RGS3: variants seen among roughly 807,000 people sequenced by gnomAD.
RGS3 encodes regulator of G protein signaling 3, also known as regulator of G-protein signalling 3.
A neutral mutation model predicts 132.6 loss-of-function variants in RGS3; 80 were observed. The ratio of observed to expected loss-of-function variants is 0.60; its 90% CI spans 0.50 to 0.73. RGS3 has a LOEUF of 0.73. Ranked by LOEUF, RGS3 falls within the 30% of genes least tolerant of loss-of-function variation. The pLI is 0.00. For synonymous variants in RGS3, 598 were observed against 620.6 expected (o/e 0.96, Z 0.54); for missense variants, 1,382 against 1,530.8 (o/e 0.90, Z 1.62).
intron 3 of RGS3, among the ~76,000 whole-genome samples, chr9:113,475,761 G>A (rs772316656): frequency 9.9e-5 from 15 of 151,962 alleles, no homozygotes; most frequent in Non-Finnish European, 1.9e-4. Flanking sequence ...CATAGGGTAT[G>A]TATCTGTGGA....
At chr9:113,474,973 T>C (rs1485182070) in intron 3 of RGS3, among the ~76,000 whole-genome samples, 1 of 152,226 alleles carries the variant, frequency 6.6e-6, no homozygotes, top group Non-Finnish European at 1.5e-5. Flanking sequence ...GGTTCTCTAC[T>C]GAGTATTGTC....
At chr9:113,485,633 A>G in exon 7 of RGS3, 1 of 1,597,662 alleles carries the variant, frequency 6.3e-7, no homozygotes, top group Non-Finnish European at 8.5e-7. Flanking sequence ...AGTCCTGTCC[A>G]AGAGGAGGAT....
chr9:113,551,779 A>T (rs1258281301), intron 19 of RGS3, among the ~76,000 whole-genome samples: 3 of 152,188 alleles, frequency 2.0e-5, no homozygotes, highest in Non-Finnish European at 4.4e-5. Context: ...GAATTGCTTG[A>T]ACCTGGGAGG....
In RGS3 at chr9:113,514,600, T is replaced by G; in HGVS notation, c.1620T>G (p.Tyr540Ter). The G allele has an allele frequency of 6.2e-7, 1 of 1,614,072 alleles. No homozygotes were observed. The highest frequency in any genetic ancestry group is 8.5e-7 in the Non-Finnish European group (1 of 1,180,028). Residue 540 changes from tyrosine to a stop codon, truncating the protein, a stop_gained, in exon 15 of 25, where the codon TAT becomes TAG. Transcript: ENST00000350696. LOFTEE classifies it high-confidence loss of function. Reference sequence around the variant, plus strand: ...GGCCGCATGCCACGCACTCAAGCTATGGCACCTACGTCACCCTGGCCCCCA... The same window carrying G: ...GGCCGCATGCCACGCACTCAAGCTAGGGCACCTACGTCACCCTGGCCCCCA...
intron 19 of RGS3, chr9:113,581,987 A>G (rs1294031494): frequency 4.1e-6 from 4 of 979,052 alleles, no homozygotes; most frequent in Middle Eastern, 5.2e-4. Flanking sequence ...TCTGCTCTGC[A>G]GGGCTCCACT....
At chr9:113,514,317 A>T (rs1831543815) in intron 14 of RGS3, 141 bp from the exon 13 acceptor site, 3 of 728,588 alleles carry the variant, frequency 4.1e-6, no homozygotes, top group African/African-American at 3.5e-5. Flanking sequence ...GTGTTTCAGC[A>T]TCGTGCGCAG....
chr9:113,555,768 AC>A (rs1200620649), intron 19 of RGS3, among the ~76,000 whole-genome samples: 1 of 152,110 alleles, frequency 6.6e-6, no homozygotes, highest in African/African-American at 2.4e-5. Context: ...GCCGGTTGTG[AC>A]TATTTTTAAA....
chr9:113,454,712 A>C (rs1227597150), intron 1 of RGS3, among the ~76,000 whole-genome samples: 1 of 142,144 alleles, frequency 7.0e-6, no homozygotes, highest in African/African-American at 2.6e-5. Context: ...TTTTAGATGG[A>C]CAAGTACAGC....
chr9:113,530,038 G>A (rs1034857317), intron 18 of RGS3, among the ~76,000 whole-genome samples: 3 of 152,248 alleles, frequency 2.0e-5, no homozygotes, highest in Non-Finnish European at 4.4e-5. Flanking sequence ...GCAGGGCGGT[G>A]TCTGTTCAAG....
At chr9:113,558,472 C>T (rs1270498044) in intron 19 of RGS3, among the ~76,000 whole-genome samples, 1 of 152,036 alleles carries the variant, frequency 6.6e-6, no homozygotes, top group Non-Finnish European at 1.5e-5. Context: ...CATTGCACTC[C>T]AGCCTGGGCA....
intron 18 of RGS3, among the ~76,000 whole-genome samples, chr9:113,532,516 T>C (rs1484136739): frequency 1.3e-5 from 2 of 152,142 alleles, no homozygotes; most frequent in Non-Finnish European, 2.9e-5. Context: ...GACCCAGCCC[T>C]ACACTCTGCT....
At chr9:113,583,867 C>T in exon 20 of RGS3, 2 of 1,613,976 alleles carry the variant, frequency 1.2e-6, no homozygotes, top group Non-Finnish European at 8.5e-7. Context: ...AGATCTGCCT[C>T]CTAGCCAGGT....
At chr9:113,578,125 C>T (rs1834621158) in intron 19 of RGS3, among the ~76,000 whole-genome samples, 1 of 152,088 alleles carries the variant, frequency 6.6e-6, no homozygotes, top group South Asian at 2.1e-4. Context: ...TGGGTGGGTT[C>T]CCAAGGGAGT....
In RGS3 at chr9:113,514,634, G is replaced by C. The variant is rs1379563109; in HGVS notation, c.1654G>C (p.Val552Leu). Residue 552 changes from valine (V) to leucine (L), a missense_variant, in exon 15 of 25, where the codon GTG becomes CTG. By Grantham distance (32) the Val-to-Leu change is conservative (BLOSUM62 1). Transcript: ENST00000350696. ...CGTCACCCTGGCCCCCAAAGTCCTG[G>C]TGTTCCCTGTCTTTGTTCAGGTGAG... The C allele has an allele frequency of 6.2e-7, 1 of 1,613,660 alleles. No individual in the cohort carries two copies. Among genetic ancestry groups the C allele is most frequent in the Non-Finnish European group, 8.5e-7 (1 of 1,180,006 alleles).
In RGS3 at chr9:113,569,639, TTCCC is replaced by T. The variant is rs1445783236; in HGVS notation, c.2038-13807_2038-13804del. Among the ~76,000 whole-genome samples the T allele has an allele frequency of 3.4e-5, 5 of 146,546 alleles. No individual in the cohort carries two copies. In the East Asian group the frequency reaches 1.0e-3, roughly 30 times the overall value. The stretch of plus-strand genomic sequence containing the variant: ...CTTCCTTCCTTCCTTCCTTCCTTCC[TTCCC>T]TCCTTCCTTCCATGTGTGTTAAGCA... On this transcript the variant is annotated intron_variant, in intron 19 of 24. Transcript: ENST00000350696.
chr9:113,498,367 C>G (rs1045787549), intron 10 of RGS3, among the ~76,000 whole-genome samples: 2 of 152,164 alleles, frequency 1.3e-5, no homozygotes, highest in Admixed American at 6.5e-5. Context: ...ACCGAGTCCT[C>G]CCCTTCCCAC....
intron 3 of RGS3, 129 bp downstream of exon 1, chr9:113,464,010 GCC>G (rs1302780712): frequency 1.4e-5 from 13 of 946,636 alleles, no homozygotes; most frequent in Middle Eastern, 2.7e-4. Flanking sequence ...ACCTTCTCTG[GCC>G]CCTTTCTCCT....
At chr9:113,594,005 C>T (rs1835590820) in intron 21 of RGS3, 1 of 1,613,094 alleles carries the variant, frequency 6.2e-7, no homozygotes, top group East Asian at 2.2e-5. Flanking sequence ...AGACACATGC[C>T]CCTTTCACGG....
chr9:113,496,495 G>A (rs1374740336), intron 8 of RGS3, among the ~76,000 whole-genome samples: 1 of 152,150 alleles, frequency 6.6e-6, no homozygotes, highest in Non-Finnish European at 1.5e-5. Flanking sequence ...CCTGGGGTGG[G>A]TGGCTGAGGA....
Sources: allele counts gnomAD v4.1 joint callset (sites outside exome capture counted in the v4.1 genomes callset), GRCh38; gene constraint gnomAD v4.1.1; transcripts MANE v1.5; gene names NCBI Gene and HGNC (gene_info 2026-07-23, HGNC 2026-07-21).